The following ZNF532 variants were observed in gnomAD, a reference collection of about 807,000 sequenced individuals.
ZNF532 encodes zinc finger protein 532.
Under a neutral mutation model 89.3 loss-of-function variants are expected in ZNF532, and 22 were observed. The ratio of observed to expected loss-of-function variants is 0.25; its 90% CI spans 0.18 to 0.35. The LOEUF is 0.35. Among genes scored for constraint, ZNF532 ranks in the 10% least tolerant of loss-of-function variants. The probability of loss-of-function intolerance (pLI) is 1.00; values close to 1 mark genes in which losing one functional copy is unlikely to be tolerated. For missense variants in ZNF532, 1,132 were observed against 1,643.4 expected, an observed-to-expected ratio of 0.69 and a Z score of 5.38; for synonymous variants, 606 against 649.6, an observed-to-expected ratio of 0.93 and a Z score of 1.02.
chr18:58,916,716 G>A (rs569670243), intron 2 of ZNF532: 3 of 985,290 alleles, frequency 3.0e-6, no homozygotes, highest in Admixed American at 6.2e-5. Context: ...GTGTTTGGAT[G>A]TGTCCCCAGA....
intron 3 of ZNF532, among the ~76,000 whole-genome samples, chr18:58,930,770 T>G (rs556994348): frequency 4.6e-5 from 7 of 152,246 alleles, no homozygotes; most frequent in African/African-American, 1.7e-4. Context: ...CCTAAGCATA[T>G]AACCTGCCTG....
intron 5 of ZNF532, among the ~76,000 whole-genome samples, 174 bp from the exon 6 acceptor site, chr18:58,947,893 T>G (rs968526934): frequency 6.6e-6 from 1 of 152,230 alleles, no homozygotes; most frequent in Non-Finnish European, 1.5e-5. Flanking sequence ...GATCTATGGT[T>G]GAGTAATGCC....
Position 58,906,983 on chromosome 18 carries a change from T to C in ZNF532, c.-17-11288T>C, listed in dbSNP as rs2059970933. ...TAACAAAGACCCAAATGTCAGAGTT[T>C]TGCATTTCTGTATAATTCTTGGGGT... On this transcript the variant is annotated intron_variant, in intron 2 of 9. Coordinates refer to ENST00000591808, the MANE Select transcript of ZNF532 (RefSeq NM_001375912.1). 2.0e-5 allele frequency among the ~76,000 whole-genome samples: 3 copies of C among 152,222 alleles called. 1 individual carries two copies. The highest frequency in any genetic ancestry group is 2.0e-4 in the Admixed American group (3 of 15,280).
At chr18:58,912,025 A>G (rs1054738526) in intron 2 of ZNF532, among the ~76,000 whole-genome samples, 1 of 152,062 alleles carries the variant, frequency 6.6e-6, no homozygotes, top group African/African-American at 2.4e-5. Flanking sequence ...GAGGTGGGGA[A>G]TGGATGGGGG....
At chr18:58,983,321 A>C (rs892202651) in intron 9 of ZNF532, among the ~76,000 whole-genome samples, 3 of 152,030 alleles carry the variant, frequency 2.0e-5, no homozygotes, top group Non-Finnish European at 4.4e-5. Flanking sequence ...GGGTGGGGAA[A>C]GCTTCCAGAG....
At position 58,983,995 on chromosome 18, in the gene ZNF532, G is replaced by A. The variant is rs9958389; in HGVS notation, c.3435G>A (p.Leu1145=). ...AGGTCCCCAGTCCCAAGCGGAAGTT[G>A]GAAGAACCAGTTCTGGAGTTCAGGC... The part of the protein sequence containing the change: ...DTKVPSPKRK[L]EEPVLEFRPP... The change falls in exon 10 of 10, where the codon TTG becomes TTA. Residue 1145 remains leucine, a synonymous_variant. Coordinates refer to ENST00000591808, the MANE Select transcript of ZNF532 (RefSeq NM_001375912.1). 7.6e-3 allele frequency: 12,181 copies of A among 1,609,872 alleles called. 196 individuals carry two copies. Among genetic ancestry groups the A allele is most frequent in the African/African-American group, 0.051 (3,819 of 74,766 alleles).
chr18:58,929,256 A>C (rs1479853885), intron 3 of ZNF532, among the ~76,000 whole-genome samples: 2 of 152,190 alleles, frequency 1.3e-5, no homozygotes, highest in African/African-American at 4.8e-5. Flanking sequence ...GTCACCTTCA[A>C]GAGTGTGGAT....
intron 7 of ZNF532, among the ~76,000 whole-genome samples, chr18:58,974,396 C>A (rs146029877): frequency 1.3e-5 from 2 of 152,076 alleles, no homozygotes; most frequent in Admixed American, 1.3e-4. Context: ...ATTTCTGTAG[C>A]GGCACGGCAT....
chr18:58,932,312 T>A (rs1297694524), intron 3 of ZNF532: 1 of 152,250 alleles, frequency 6.6e-6, no homozygotes, highest in Non-Finnish European at 1.5e-5. Context: ...AAGTAATTCC[T>A]TGTGCATCTT....
intron 7 of ZNF532, among the ~76,000 whole-genome samples, chr18:58,958,887 A>C (rs2065052122): frequency 6.6e-6 from 1 of 152,148 alleles, no homozygotes; most frequent in Non-Finnish European, 1.5e-5. Flanking sequence ...TTTTACATAC[A>C]ATTTTAGGTG....
intron 7 of ZNF532, among the ~76,000 whole-genome samples, chr18:58,960,496 T>C (rs1322443792): frequency 6.6e-6 from 1 of 152,230 alleles, no homozygotes; most frequent in African/African-American, 2.4e-5. Context: ...TGACCTTACT[T>C]GAGCACAGCC....
rs1277958520 is a variant in ZNF532, at chr18:58,915,619, A to T, written c.-17-2652A>T. Among the ~76,000 whole-genome samples, 5 of 152,322 alleles carry T rather than the reference A, an allele frequency of 3.3e-5. No individual in the cohort carries two copies. In the East Asian group the frequency reaches 9.6e-4, roughly 29 times the overall value. On this transcript the variant is annotated intron_variant, in intron 2 of 9. Transcript: ENST00000591808. ...AAGTTTAGCATTAACTCAGTGATTC[A>T]GTACGGCTGCTGTGCATGCGTTTAT...
At chr18:58,966,345 G>A (rs2065911496) in intron 7 of ZNF532, among the ~76,000 whole-genome samples, 1 of 152,090 alleles carries the variant, frequency 6.6e-6, no homozygotes, top group Non-Finnish European at 1.5e-5. Flanking sequence ...CATTTAAAAT[G>A]TTTATCTAAA....
intron 5 of ZNF532, among the ~76,000 whole-genome samples, chr18:58,944,907 G>A (rs1711986051): frequency 6.6e-6 from 1 of 152,158 alleles, no homozygotes; most frequent in Non-Finnish European, 1.5e-5. Flanking sequence ...TAGGAGGAAA[G>A]GGGGACCATG....
chr18:58,948,189 T>A lies in ZNF532; in HGVS notation c.2828T>A (p.Leu943His), dbSNP rs1258215857. 6.2e-7 allele frequency: 1 copy of A among 1,613,620 alleles called. No individual in the cohort carries two copies. The highest frequency in any genetic ancestry group is 8.5e-7 in the Non-Finnish European group (1 of 1,179,834). Residue 943 changes from leucine (L) to histidine (H), a missense_variant, in exon 6 of 10, where the codon CTT becomes CAT. By Grantham distance (99) the Leu-to-His change is moderately conservative. Coordinates refer to ENST00000591808, the MANE Select transcript of ZNF532 (RefSeq NM_001375912.1). ...VSVFKCPDCS[L>H]LYAQKQLMMD... The stretch of plus-strand genomic sequence containing the variant: ...GTTTTCAAGTGTCCAGACTGTTCTC[T>A]TTTATATGCACAGAAGCAACTTATG...
intron 2 of ZNF532, among the ~76,000 whole-genome samples, chr18:58,884,212 C>A (rs1261146972): frequency 1.3e-5 from 2 of 152,238 alleles, no homozygotes; most frequent in Non-Finnish European, 2.9e-5. Flanking sequence ...AACCCTGTCT[C>A]TACTAAAAAA....
chr18:58,864,456 T>C (rs2056259326), upstream of ZNF532: 1 of 151,770 alleles, frequency 6.6e-6, no homozygotes, highest in Non-Finnish European at 1.5e-5. Context: ...TCTTGGGGGC[T>C]CTTTGTCAGC....
chr18:58,953,858 G>A lies in ZNF532; in HGVS notation c.3150+59G>A, dbSNP rs191727808. 576 of 1,540,068 alleles carry A rather than the reference G, an allele frequency of 3.7e-4. 1 individual carries two copies. The highest frequency in any genetic ancestry group is 5.8e-4 in the Admixed American group (28 of 48,048). On this transcript the variant is annotated intron_variant, in intron 7 of 9. Transcript: ENST00000591808. ...GCAAGAGAGGGCACTGGACTGGCAA[G>A]CTTCCAAGATGTGGGCTCTTGGCTT...
chr18:58,873,575 A>G (rs2057174208), intron 2 of ZNF532, among the ~76,000 whole-genome samples: 1 of 151,988 alleles, frequency 6.6e-6, no homozygotes, highest in Admixed American at 6.5e-5. Flanking sequence ...CAGCCTCCCA[A>G]ATAGCTGGTA....
Sources: allele counts gnomAD v4.1 joint callset (sites outside exome capture counted in the v4.1 genomes callset), GRCh38; gene constraint gnomAD v4.1.1; transcripts MANE v1.5; gene names NCBI Gene and HGNC (gene_info 2026-07-23, HGNC 2026-07-21).